The following SRGAP2C variants were observed in gnomAD, a reference collection of about 807,000 sequenced individuals.
The protein encoded by SRGAP2C is SLIT-ROBO Rho GTPase activating protein 2C, also known as SLIT-ROBO Rho GTPase-activating protein 2C.
In SRGAP2C, 15 loss-of-function variants were observed where a neutral mutation model predicts 25.1. The ratio of observed to expected loss-of-function variants is 0.60; its 90% confidence interval spans 0.40 to 0.92. SRGAP2C has a LOEUF of 0.92. Ranked by LOEUF, SRGAP2C falls within the 40% of genes least tolerant of loss-of-function variation. SRGAP2C has a pLI of 0.00. For missense variants in SRGAP2C, 144 were observed against 264.4 expected (o/e 0.54, Z 3.16); for synonymous variants, 44 against 96.6 (o/e 0.46, Z 3.19).
chr1:121,375,141 C>T (rs1228688531), intron 7 of SRGAP2C, among the ~76,000 whole-genome samples, 187 bp downstream of exon 7: 1 of 150,796 alleles, frequency 6.6e-6, no homozygotes, highest in Non-Finnish European at 1.5e-5. Flanking sequence ...TCAATCCTAA[C>T]TGGAATTCTG....
chr1:121,202,500 C>A (rs1206505439), intron 2 of SRGAP2C, among the ~76,000 whole-genome samples: 1 of 146,692 alleles, frequency 6.8e-6, no homozygotes, highest in Non-Finnish European at 1.5e-5. Context: ...GTTATCTTGG[C>A]TCACTGCAAC....
At position 121,324,582 on chromosome 1, in the gene SRGAP2C, A is replaced by G; in HGVS notation, c.365A>G (p.Asn122Ser). The G allele has an allele frequency of 6.4e-7, 1 of 1,567,324 alleles. No individual in the cohort carries two copies. Among genetic ancestry groups the G allele is most frequent in the African/African-American group, 1.4e-5 (1 of 73,958 alleles). Residue 122 changes from asparagine to serine, a missense_variant, in exon 4 of 10, where the codon AAT becomes AGT. This residue lies in a region of SRGAP2C where 26 missense variants were observed against 67.3 expected (regional missense o/e 0.39). Coordinates refer to ENST00000367123, the MANE Select transcript of SRGAP2C (RefSeq NM_001329984.2). ...ACCACCCTGAGTGACATCTACCTGA[A>G]TAATATCATTCCTCGATTTGTACAA... is the stretch of plus-strand genomic sequence containing the variant. ...DHTTLSDIYL[N>S]NIIPRFVQVS...
chr1:121,199,676 T>G (rs1330494959), intron 2 of SRGAP2C, among the ~76,000 whole-genome samples: 3 of 112,114 alleles, frequency 2.7e-5, no homozygotes, highest in African/African-American at 3.8e-5. Context: ...CTGTAATTTA[T>G]CTTAGCTACT....
intron 3 of SRGAP2C, chr1:121,314,921 C>T (rs1475918911): frequency 2.7e-6 from 2 of 741,210 alleles, no homozygotes; most frequent in South Asian, 1.5e-5. Context: ...CATATTGGCT[C>T]CTCCCCCCTA....
intron 2 of SRGAP2C, among the ~76,000 whole-genome samples, chr1:121,212,374 C>T (rs868919111): frequency 6.6e-6 from 1 of 152,164 alleles, no homozygotes; most frequent in African/African-American, 2.4e-5. Context: ...TCGTGATCTG[C>T]TTGCCTCGGC....
chr1:121,257,377 G>A (rs1553332706), intron 2 of SRGAP2C, among the ~76,000 whole-genome samples: 1 of 148,742 alleles, frequency 6.7e-6, no homozygotes, highest in Non-Finnish European at 1.5e-5. Context: ...GCCTCCCAAA[G>A]TGCTGGGATT....
intron 2 of SRGAP2C, among the ~76,000 whole-genome samples, chr1:121,236,738 TG>T (rs1655970026): frequency 6.9e-6 from 1 of 145,700 alleles, no homozygotes; most frequent in Non-Finnish European, 1.5e-5. Flanking sequence ...AGAATGGGGT[TG>T]GGGGTTGTAG....
In SRGAP2C at chr1:121,283,886, C is replaced by T. The variant is rs1425212772; in HGVS notation, c.68-917C>T. ...GCTGCATTTGAGGCAAATCTGTTTGCATCTATAGCTGCCTTTGCAGCAGTT... is the reference window on the plus strand; with the variant it reads ...GCTGCATTTGAGGCAAATCTGTTTGTATCTATAGCTGCCTTTGCAGCAGTT... On this transcript the variant is annotated intron_variant, in intron 2 of 9. Coordinates refer to ENST00000367123, the MANE Select transcript of SRGAP2C (RefSeq NM_001329984.2). Among the ~76,000 whole-genome samples the T allele has an allele frequency of 4.6e-4, 69 of 148,938 alleles. 1 individual carries two copies. The highest frequency in any genetic ancestry group is 2.5e-5 in the African/African-American group (1 of 40,590).
At position 121,297,719 on chromosome 1, in the gene SRGAP2C, G is replaced by A. The variant is rs1299222880; in HGVS notation, c.260+12724G>A. ...CAGATTTCCTGGGTTCACAATCCTG[G>A]ATTTCTCCCACTTACTTGCTGTGTG... On this transcript the variant is annotated intron_variant, in intron 3 of 9. Transcript: ENST00000367123. Among the ~76,000 whole-genome samples, 599 of 140,360 alleles carry A rather than the reference G, an allele frequency of 4.3e-3. 4 individuals carry two copies. The highest frequency in any genetic ancestry group is 0.015 in the African/African-American group (573 of 37,654). 92.1% of individuals were successfully genotyped at this position (140,360 alleles called of 152,430 possible). A position where few individuals can be genotyped will look rare whatever the true frequency, so the allele number is the denominator to read the frequency against.
intron 2 of SRGAP2C, among the ~76,000 whole-genome samples, chr1:121,274,923 C>T (rs1419872636): frequency 6.9e-6 from 1 of 144,822 alleles, no homozygotes; most frequent in East Asian, 2.1e-4. Context: ...CTGTGTGAAC[C>T]TTCAAGTCAC....
chr1:121,372,296 C>T (rs1659516155), intron 5 of SRGAP2C, among the ~76,000 whole-genome samples: 1 of 152,186 alleles, frequency 6.6e-6, no homozygotes, highest in Non-Finnish European at 1.5e-5. Context: ...TTCTCAACGT[C>T]AGCACCATTG....
intron 2 of SRGAP2C, among the ~76,000 whole-genome samples, chr1:121,272,341 G>T (rs1225575626): frequency 6.6e-6 from 1 of 151,432 alleles, no homozygotes; most frequent in Non-Finnish European, 1.5e-5. Context: ...ATTTGCCCAA[G>T]GTCACACATA....
chr1:121,223,281 T>A (rs1655578650), intron 2 of SRGAP2C, among the ~76,000 whole-genome samples: 1 of 149,056 alleles, frequency 6.7e-6, no homozygotes, highest in Non-Finnish European at 1.5e-5. Context: ...TAGAAATGAT[T>A]GCTTTATGGA....
intron 2 of SRGAP2C, among the ~76,000 whole-genome samples, chr1:121,218,922 A>G (rs1254237456): frequency 6.6e-6 from 1 of 151,896 alleles, no homozygotes; most frequent in Non-Finnish European, 1.5e-5. Flanking sequence ...TCTTAAATAC[A>G]TTTGAGAAAT....
intron 3 of SRGAP2C, among the ~76,000 whole-genome samples, chr1:121,310,004 C>T (rs1362161812): frequency 5.6e-5 from 1 of 17,924 alleles, no homozygotes; most frequent in Non-Finnish European, 1.0e-4. Flanking sequence ...ACCACACTGA[C>T]TTCCACAATG....
intron 2 of SRGAP2C, among the ~76,000 whole-genome samples, chr1:121,263,591 T>C (rs1488599190): frequency 6.6e-6 from 1 of 151,712 alleles, no homozygotes; most frequent in Non-Finnish European, 1.5e-5. Flanking sequence ...TCATGTAGTG[T>C]GTTCAGGGTC....
chr1:121,258,326 C>T (rs1380024878), intron 2 of SRGAP2C, among the ~76,000 whole-genome samples: 3 of 151,548 alleles, frequency 2.0e-5, no homozygotes, highest in Non-Finnish European at 4.4e-5. Flanking sequence ...GCCCTTCCCA[C>T]AGGGAAGCAA....
In SRGAP2C at chr1:121,309,647, C is replaced by T. The variant is rs1378543234; in HGVS notation, c.261-14831C>T. On this transcript the variant is annotated intron_variant, in intron 3 of 9. Transcript: ENST00000367123. Reference sequence around the variant, plus strand: ...GTCCATGTGATCTCATTGTTCAATTCCCACCTATGAGTGAGAATATGCGGT... The same window carrying T: ...GTCCATGTGATCTCATTGTTCAATTTCCACCTATGAGTGAGAATATGCGGT... Among the ~76,000 whole-genome samples, 6 of 145,220 alleles carry T rather than the reference C, an allele frequency of 4.1e-5. No homozygotes were observed. In the East Asian group the frequency reaches 1.2e-3, roughly 29 times the overall value.
intron 2 of SRGAP2C, among the ~76,000 whole-genome samples, chr1:121,217,106 T>C (rs1553324843): frequency 6.6e-6 from 1 of 151,744 alleles, no homozygotes; most frequent in African/African-American, 2.4e-5. Context: ...TCATTTCCTT[T>C]TGTTTCTTTG....
Sources: gnomAD v4.1 joint callset for allele counts (sites outside exome capture counted in the v4.1 genomes callset) on GRCh38, gnomAD v4.1.1 for gene constraint, gnomAD v4.1.1 regional missense constraint, MANE v1.5 for transcripts, NCBI Gene and HGNC (gene_info 2026-07-23, HGNC 2026-07-21) for gene names.